CYP2C19: variants seen among roughly 807,000 people sequenced by gnomAD.
CYP2C19 encodes cytochrome P450 2C19.
In CYP2C19, 59 loss-of-function variants were observed where a neutral mutation model predicts 40.9. The ratio of observed to expected loss-of-function variants is 1.44; its 90% confidence interval spans 1.17 to 1.79. The LOEUF (loss-of-function observed/expected upper bound fraction) is 1.79. Ranked by LOEUF, CYP2C19 falls within the 40% of genes most tolerant of loss-of-function variation. The pLI is 0.00. For synonymous variants in CYP2C19, 253 were observed against 208.7 expected, an observed-to-expected ratio of 1.21 and a Z score of -1.83; for missense variants, 754 against 596.9, an observed-to-expected ratio of 1.26 and a Z score of -2.74.
At position 94,816,235 on chromosome 10, in the gene CYP2C19, T is replaced by TA. The variant is rs1848999678; in HGVS notation, c.820-4261_820-4260insA. On this transcript the variant is annotated intron_variant, in intron 5 of 8. Coordinates refer to ENST00000371321, the MANE Select transcript of CYP2C19 (RefSeq NM_000769.4). ...CAGCATCCACTACACCATACAGTAT[T>TA]TTTTCTTTCTTTTTTTTTTTCTTTA... 2.0e-5 allele frequency among the ~76,000 whole-genome samples: 3 copies of TA among 151,482 alleles called. No homozygotes were observed. The South Asian group carries it at 6.3e-4, about 32-fold the overall frequency.
intron 6 of CYP2C19, among the ~76,000 whole-genome samples, chr10:94,822,116 T>G (rs1849133385): frequency 1.3e-5 from 2 of 152,166 alleles, no homozygotes; most frequent in Non-Finnish European, 2.9e-5. Flanking sequence ...GCAAAAGACA[T>G]GATTTTTGTT....
chr10:94,779,364 C>T (rs1848452609), intron 3 of CYP2C19, among the ~76,000 whole-genome samples: 1 of 151,910 alleles, frequency 6.6e-6, no homozygotes, highest in African/African-American at 2.4e-5. Flanking sequence ...ACAAGAAAAC[C>T]TTTTGTATAA....
At chr10:94,819,935 C>CA (rs1849084053) in intron 5 of CYP2C19, among the ~76,000 whole-genome samples, 1 of 127,088 alleles carries the variant, frequency 7.9e-6, no homozygotes, top group Non-Finnish European at 1.6e-5. Flanking sequence ...GAGACACAAC[C>CA]AAAAAAGAGA....
chr10:94,775,283 A>T, intron 2 of CYP2C19, 63 bp downstream of exon 2: 1 of 1,613,044 alleles, frequency 6.2e-7, no homozygotes, highest in South Asian at 1.1e-5. Context: ...AAAACAGACT[A>T]GCAGAGCTTC....
intron 6 of CYP2C19, among the ~76,000 whole-genome samples, chr10:94,834,900 A>G (rs1446271622): frequency 6.6e-6 from 1 of 152,168 alleles, no homozygotes; most frequent in Non-Finnish European, 1.5e-5. Context: ...TAAGTCCCCC[A>G]TCTCAACATG....
chr10:94,772,998 G>A (rs1344480874), intron 1 of CYP2C19, among the ~76,000 whole-genome samples: 2 of 151,908 alleles, frequency 1.3e-5, no homozygotes, highest in Admixed American at 1.3e-4. Context: ...AGCCAGGATG[G>A]TCTCGATCTG....
intron 1 of CYP2C19, among the ~76,000 whole-genome samples, chr10:94,771,568 C>A (rs1304596411): frequency 1.3e-5 from 2 of 152,066 alleles, no homozygotes; most frequent in Non-Finnish European, 2.9e-5. Flanking sequence ...AAAAATGAGC[C>A]ACCTCTTTTT....
intron 5 of CYP2C19, among the ~76,000 whole-genome samples, chr10:94,787,113 C>A (rs948424217): frequency 6.6e-6 from 1 of 152,084 alleles, no homozygotes; most frequent in South Asian, 2.1e-4. Flanking sequence ...ACATTTCCAC[C>A]AGTAGTGTAT....
At chr10:94,770,884 T>G (rs1848320376) in intron 1 of CYP2C19, among the ~76,000 whole-genome samples, 2 of 152,186 alleles carry the variant, frequency 1.3e-5, no homozygotes, top group South Asian at 4.1e-4. Context: ...GATGGCTTGC[T>G]GACCAGTAGG....
intron 6 of CYP2C19, among the ~76,000 whole-genome samples, chr10:94,840,349 T>G (rs1849473144): frequency 6.6e-6 from 1 of 151,472 alleles, no homozygotes; most frequent in Non-Finnish European, 1.5e-5. Context: ...GCAAGTGTGG[T>G]GGGGAATGGG....
intron 5 of CYP2C19, among the ~76,000 whole-genome samples, chr10:94,782,871 A>G (rs1218263062): frequency 6.6e-6 from 1 of 152,144 alleles, no homozygotes; most frequent in African/African-American, 2.4e-5. Flanking sequence ...AGAAAACCAA[A>G]CACCGTATGT....
At chr10:94,790,578 C>A (rs951927102) in intron 5 of CYP2C19, among the ~76,000 whole-genome samples, 1 of 152,100 alleles carries the variant, frequency 6.6e-6, no homozygotes, top group African/African-American at 2.4e-5. Context: ...TTGTCGAAGG[C>A]CTTTTCTACA....
At chr10:94,829,023 C>A (rs554478759) in intron 6 of CYP2C19, among the ~76,000 whole-genome samples, 5 of 151,946 alleles carry the variant, frequency 3.3e-5, no homozygotes, top group Non-Finnish European at 5.9e-5. Context: ...GAGTTTCTGC[C>A]GAGAGATCTG....
intron 6 of CYP2C19, among the ~76,000 whole-genome samples, chr10:94,821,649 G>A (rs942482162): frequency 6.6e-6 from 1 of 152,074 alleles, no homozygotes; most frequent in South Asian, 2.1e-4. Context: ...AAATTTTAAA[G>A]ACTTTCGGTT....
rs138660413 is a variant in CYP2C19 at position 94,777,970 on chromosome 10, C to CA, written c.481+2440dup. Among the ~76,000 whole-genome samples the CA allele has an allele frequency of 7.7e-4, 117 of 151,058 alleles. No homozygotes were observed. The East Asian group carries it at 0.011, about 14-fold the overall frequency. On this transcript the variant is annotated intron_variant, in intron 3 of 8. Transcript: ENST00000371321. The stretch of plus-strand genomic sequence containing the variant: ...CAAGAAAAAAAGAAAACAACAACAA[C>CA]AAAAAAAAACTGCTGGGTCTGTCCT...
chr10:94,798,459 T>C (rs1848719805), intron 5 of CYP2C19, among the ~76,000 whole-genome samples: 1 of 152,188 alleles, frequency 6.6e-6, no homozygotes, highest in South Asian at 2.1e-4. Flanking sequence ...GAGAAGAATG[T>C]ATATTCTGTT....
intron 7 of CYP2C19, 115 bp downstream of exon 7, chr10:94,843,139 G>T: frequency 7.6e-7 from 1 of 1,314,464 alleles, no homozygotes; most frequent in East Asian, 2.3e-5. Context: ...CCTATGTATG[G>T]CAGTTTAATT....
intron 5 of CYP2C19, among the ~76,000 whole-genome samples, chr10:94,800,756 C>T (rs966869481): frequency 6.6e-5 from 10 of 152,218 alleles, no homozygotes; most frequent in Non-Finnish European, 1.3e-4. Context: ...TGGCTGCAGC[C>T]GCGCAAGTTG....
At chr10:94,821,749 T>C (rs1849125695) in intron 6 of CYP2C19, among the ~76,000 whole-genome samples, 1 of 152,190 alleles carries the variant, frequency 6.6e-6, no homozygotes, top group African/African-American at 2.4e-5. Flanking sequence ...AGTTAGGCCT[T>C]TTTTTGAACA....
Sources: gnomAD v4.1 joint callset for allele counts (sites outside exome capture counted in the v4.1 genomes callset) on GRCh38, gnomAD v4.1.1 for gene constraint, MANE v1.5 for transcripts, NCBI Gene and HGNC (gene_info 2026-07-23, HGNC 2026-07-21) for gene names.